The following AARS2 variants were observed in gnomAD, a reference collection of about 807,000 sequenced individuals.
AARS2 encodes alanyl-tRNA synthetase 2, mitochondrial.
A neutral mutation model predicts 119.7 loss-of-function variants in AARS2; 78 were observed. That is an observed-to-expected ratio of 0.65 (90% CI 0.54 to 0.79). The LOEUF is 0.79. Ranked by LOEUF, AARS2 falls within the 30% of genes least tolerant of loss-of-function variation. AARS2 has a pLI of 0.00. For synonymous variants in AARS2, 502 were observed against 526.3 expected (o/e 0.95, Z 0.63); for missense variants, 1,157 against 1,291.3 (o/e 0.90, Z 1.59).
At chr6:44,302,678 C>G in intron 17 of AARS2, 124 bp downstream of exon 17, 2 of 1,450,464 alleles carry the variant, frequency 1.4e-6, no homozygotes, top group South Asian at 2.4e-5. Flanking sequence ...CTGATATGGC[C>G]ACATTGGTGT....
chr6:44,307,043 C>A lies in AARS2; in HGVS notation c.1041-12G>T. 1.2e-6 allele frequency: 2 copies of A among 1,613,928 alleles called. No individual in the cohort carries two copies. The highest frequency in any genetic ancestry group is 2.2e-5 in the South Asian group (2 of 91,062). ...GACGAAGAACCAGCCTAAAGGGGTT[C>A]AGAGCCCAGACATGAATCCCCAGCG... On this transcript the variant is annotated splice_polypyrimidine_tract_variant and intron_variant, in intron 6 of 21. Transcript: ENST00000244571. This position sits in a 1 kb window ranked among gnomAD's most constrained non-coding sequence, Gnocchi z 4.4.
At chr6:44,303,528 C>T (rs1170295408) in intron 14 of AARS2, 105 bp from the exon 15 acceptor site, 2 of 1,550,828 alleles carry the variant, frequency 1.3e-6, no homozygotes, top group East Asian at 4.5e-5. Flanking sequence ...TCCCCAGGTT[C>T]TAGAATAGTG....
In AARS2 at chr6:44,305,920, G is replaced by C. The variant is rs1785805163; in HGVS notation, c.1301-134C>G. 5 of 1,110,484 alleles carry C rather than the reference G, an allele frequency of 4.5e-6. No homozygotes were observed. In the Admixed American group the frequency reaches 6.1e-5, roughly 13 times the overall value. The allele number at this position is 1,110,484 out of a possible 1,614,324, so 68.8% of individuals were successfully genotyped here. A position where few individuals can be genotyped will look rare whatever the true frequency, so the allele number is the denominator to read the frequency against. On this transcript the variant is annotated intron_variant, in intron 9 of 21. Coordinates refer to ENST00000244571, the MANE Select transcript of AARS2 (RefSeq NM_020745.4). The surrounding 1 kb of genome is among the most constrained non-coding windows in gnomAD (Gnocchi z 4.6). ...AAACACAAATACCCGCTCCATACTG[G>C]GTAGCCTCAGGAGAGGGGTCACATT...
rs1785146845 is a variant in AARS2 at position 44,299,040 on chromosome 6, CCCAG to C, written c.*1503_*1506del. Among the ~76,000 whole-genome samples the C allele has an allele frequency of 6.7e-6, 1 of 150,196 alleles. No homozygotes were observed. The highest frequency in any genetic ancestry group is 2.5e-5 in the African/African-American group (1 of 39,564). ...CTCCAGCCTCCTCACCTGCCCCTAT[CCCAG>C]CTCACTGCTCAGTGGCACTGGCCAC... is the stretch of plus-strand genomic sequence containing the variant. On this transcript the variant is annotated 3_prime_UTR_variant, in exon 22 of 22. Transcript: ENST00000244571.
intron 9 of AARS2, 115 bp downstream of exon 9, chr6:44,306,165 T>C (rs1044846523): frequency 1.0e-5 from 10 of 1,003,616 alleles, no homozygotes; most frequent in Non-Finnish European, 1.3e-5. Flanking sequence ...GAAAGGAACA[T>C]TGGGAAGAGG....
At position 44,304,343 on chromosome 6, in the gene AARS2, G is replaced by C. The variant is rs562420651; in HGVS notation, c.1867-22C>G. On this transcript the variant is annotated intron_variant, in intron 13 of 21. Transcript: ENST00000244571. Reference sequence around the variant, plus strand: ...AGGCCTGAAATACTTTTGTCACCCAGCGTCCTGGGTGAGGGCAGGGGGTTG... The same window carrying C: ...AGGCCTGAAATACTTTTGTCACCCACCGTCCTGGGTGAGGGCAGGGGGTTG... The C allele has an allele frequency of 6.8e-6, 11 of 1,614,196 alleles. No individual in the cohort carries two copies. The African/African-American group carries it at 1.5e-4, about 22-fold the overall frequency.
chr6:44,310,551 G>T, intron 4 of AARS2, 108 bp from the exon 5 acceptor site: 1 of 1,431,880 alleles, frequency 7.0e-7, no homozygotes, highest in East Asian at 2.3e-5. Flanking sequence ...AGCTGACAGT[G>T]GGAGGAACCA....
At chr6:44,301,013 TC>T in intron 21 of AARS2, 142 bp downstream of exon 21, 1 of 826,666 alleles carries the variant, frequency 1.2e-6, no homozygotes, top group Non-Finnish European at 1.9e-6. Flanking sequence ...ACAAGGAGAT[TC>T]CCCATCCCTG....
In AARS2 at chr6:44,304,333, T is replaced by C. The variant is rs773440830; in HGVS notation, c.1867-12A>G. On this transcript the variant is annotated splice_polypyrimidine_tract_variant and intron_variant, in intron 13 of 21. Coordinates refer to ENST00000244571, the MANE Select transcript of AARS2 (RefSeq NM_020745.4). Reference sequence around the variant, plus strand: ...CCTAGACGCCAGGCCTGAAATACTTTTGTCACCCAGCGTCCTGGGTGAGGG... The same window carrying C: ...CCTAGACGCCAGGCCTGAAATACTTCTGTCACCCAGCGTCCTGGGTGAGGG... The C allele has an allele frequency of 3.7e-6, 6 of 1,614,092 alleles. No homozygotes were observed. The East Asian group carries it at 8.9e-5, about 24-fold the overall frequency.
At chr6:44,309,775 C>G (rs561024616) in intron 5 of AARS2, among the ~76,000 whole-genome samples, 1 of 152,212 alleles carries the variant, frequency 6.6e-6, no homozygotes, top group South Asian at 2.1e-4. Flanking sequence ...TACCTGCTGT[C>G]CCCTCTGCCT....
At chr6:44,311,594 G>A in intron 2 of AARS2, 59 bp from the exon 3 acceptor site, 1 of 1,591,740 alleles carries the variant, frequency 6.3e-7, no homozygotes, top group Non-Finnish European at 8.6e-7. Flanking sequence ...AGACCCCACT[G>A]AAGTAATCAA....
At position 44,305,798 on chromosome 6, in the gene AARS2, A is replaced by C; in HGVS notation, c.1301-12T>G. On this transcript the variant is annotated splice_polypyrimidine_tract_variant and intron_variant, in intron 9 of 21. Transcript: ENST00000244571. The surrounding 1 kb of genome is among the most constrained non-coding windows in gnomAD (Gnocchi z 4.6). ...CCAGGCCACTTCAGCTTTGAGAAAG[A>C]AAGACAAAGAATGTTGAGGAGGGGA... 1 of 1,614,014 alleles carries C rather than the reference A, an allele frequency of 6.2e-7. No individual in the cohort carries two copies. Among genetic ancestry groups the C allele is most frequent in the Non-Finnish European group, 8.5e-7 (1 of 1,179,886 alleles).
At position 44,311,538 on chromosome 6, in the gene AARS2, G is replaced by A. The variant is rs765263118; in HGVS notation, c.436-3C>T. On this transcript the variant is annotated splice_region_variant and splice_polypyrimidine_tract_variant and intron_variant, in intron 2 of 21. Transcript: ENST00000244571. ...CAGGCCATGTTACAAGCCTCCTCCT[G>A]CAGCAGAAACCAGCATGGGGTGGGG... The A allele has an allele frequency of 4.3e-6, 7 of 1,610,794 alleles. No homozygotes were observed. The highest frequency in any genetic ancestry group is 4.2e-6 in the Non-Finnish European group (5 of 1,178,368).
In AARS2 at chr6:44,303,134, G is replaced by A. The variant is rs144224923; in HGVS notation, c.2187C>T (p.Pro729=). The change falls in exon 16 of 22, where the codon CCC becomes CCT. Residue 729 remains proline, a synonymous_variant. Transcript: ENST00000244571. ...AGGCTGGGTCCAATGCATGGGCCAC[G>A]GGCACCCCCACTGATACCACCCGCA... The part of the protein sequence containing the change: ...DPVRVVSVGV[P]VAHALDPASQ... The A allele has an allele frequency of 1.7e-5, 28 of 1,613,980 alleles. No individual in the cohort carries two copies. The African/African-American group carries it at 3.2e-4, about 18-fold the overall frequency.
intron 19 of AARS2, among the ~76,000 whole-genome samples, 198 bp from the exon 20 acceptor site, chr6:44,301,662 C>T (rs1267274328): frequency 1.3e-5 from 2 of 152,210 alleles, no homozygotes; most frequent in African/African-American, 4.8e-5. Context: ...TCCTTCCTCA[C>T]TTCCCTCACC....
intron 7 of AARS2, 110 bp downstream of exon 7, chr6:44,306,813 T>A (rs1287328998): frequency 2.2e-5 from 23 of 1,036,558 alleles, no homozygotes; most frequent in Non-Finnish European, 3.3e-5. Context: ...GGCTCGATAT[T>A]TAGGGTGGGG....
At chr6:44,311,975 C>T in intron 2 of AARS2, 97 bp downstream of exon 2, 1 of 1,470,970 alleles carries the variant, frequency 6.8e-7, no homozygotes. Context: ...CACTTTGCCT[C>T]CACATCTGGT....
chr6:44,300,530 C>T lies in AARS2; in HGVS notation c.*17G>A. ...GGCATTGCCTTTAGTCCATGTGGGTCCCTGGGCGGACCTGGGTCAGAGCTG... is the reference window on the plus strand; with the variant it reads ...GGCATTGCCTTTAGTCCATGTGGGTTCCTGGGCGGACCTGGGTCAGAGCTG... On this transcript the variant is annotated 3_prime_UTR_variant, in exon 22 of 22. Transcript: ENST00000244571. 6.2e-7 allele frequency: 1 copy of T among 1,613,894 alleles called. No homozygotes were observed. Among genetic ancestry groups the T allele is most frequent in the Non-Finnish European group, 8.5e-7 (1 of 1,180,032 alleles).
Position 44,307,170 on chromosome 6 carries a change from C to A in AARS2, c.1040+79G>T. On this transcript the variant is annotated intron_variant, in intron 6 of 21. Coordinates refer to ENST00000244571, the MANE Select transcript of AARS2 (RefSeq NM_020745.4). The surrounding 1 kb of genome is among the most constrained non-coding windows in gnomAD (Gnocchi z 4.4). ...CATTCCTCCTACTGGCTCAACCAGA[C>A]CCACCTCTCCTGTTCCCTCCCTCCT... 2 of 1,605,460 alleles carry A rather than the reference C, an allele frequency of 1.2e-6. No homozygotes were observed. Among genetic ancestry groups the A allele is most frequent in the Non-Finnish European group, 1.7e-6 (2 of 1,174,916 alleles).
Sources: allele counts gnomAD v4.1 joint callset (sites outside exome capture counted in the v4.1 genomes callset), GRCh38; gene constraint gnomAD v4.1.1; non-coding constraint Gnocchi (gnomAD v3.1); transcripts MANE v1.5; gene names NCBI Gene and HGNC (gene_info 2026-07-23, HGNC 2026-07-21).